Variants in PTPRD observed in about 807,000 individuals in gnomAD.
PTPRD encodes the protein receptor-type tyrosine-protein phosphatase delta.
A neutral mutation model predicts 214.5 loss-of-function variants in PTPRD; 34 were observed. The observed-to-expected ratio is 0.16, with a 90% CI of 0.12 to 0.21. The LOEUF is 0.21. PTPRD is among the 10% of genes least tolerant of loss of function. The pLI is 1.00. For synonymous variants in PTPRD, 1,128 were observed against 845.7 expected, an observed-to-expected ratio of 1.33 and a Z score of -5.79; for missense variants, 2,545 against 2,398.7, an observed-to-expected ratio of 1.06 and a Z score of -1.27.
chr9:8,961,732 G>A (rs1275300997), intron 11 of PTPRD, among the ~76,000 whole-genome samples: 3 of 152,038 alleles, frequency 2.0e-5, no homozygotes, highest in Non-Finnish European at 4.4e-5. Flanking sequence ...AAGCCCAACT[G>A]TTACTATAAT....
At chr9:9,370,282 T>G (rs1257542643) in intron 9 of PTPRD, among the ~76,000 whole-genome samples, 1 of 152,084 alleles carries the variant, frequency 6.6e-6, no homozygotes, top group Non-Finnish European at 1.5e-5. Flanking sequence ...CCTCTTTTAT[T>G]TCCCTGAGCA....
At chr9:8,326,198 C>T (rs535064148) in intron 44 of PTPRD, among the ~76,000 whole-genome samples, 19 of 152,178 alleles carry the variant, frequency 1.2e-4, no homozygotes, top group Non-Finnish European at 2.5e-4. Context: ...AGGATAGTGG[C>T]TGTGCGTTTG....
intron 5 of PTPRD, among the ~76,000 whole-genome samples, chr9:9,921,187 C>G (rs2082434464): frequency 6.6e-6 from 1 of 152,062 alleles, no homozygotes. Flanking sequence ...CCCTTGATGT[C>G]TGTTCATTAT....
intron 11 of PTPRD, among the ~76,000 whole-genome samples, chr9:8,996,722 T>C (rs1487757020): frequency 6.6e-6 from 1 of 152,040 alleles, no homozygotes; most frequent in Admixed American, 6.6e-5. Flanking sequence ...CAAGCCTCTT[T>C]TATAAGGACA....
intron 5 of PTPRD, among the ~76,000 whole-genome samples, chr9:9,826,866 G>A (rs982645953): frequency 2.6e-5 from 4 of 151,856 alleles, no homozygotes; most frequent in Middle Eastern, 3.2e-3. Context: ...ACCAATAACA[G>A]ACAAACAGCC....
chr9:9,356,480 A>G (rs2053834580), intron 9 of PTPRD, among the ~76,000 whole-genome samples: 1 of 151,468 alleles, frequency 6.6e-6, no homozygotes, highest in Admixed American at 6.6e-5. Flanking sequence ...TCATCAGAGC[A>G]TATTCATTAT....
At chr9:9,964,446 A>T (rs986235493) in intron 4 of PTPRD, among the ~76,000 whole-genome samples, 1 of 152,196 alleles carries the variant, frequency 6.6e-6, no homozygotes, top group Non-Finnish European at 1.5e-5. Flanking sequence ...ACTTTTAAGG[A>T]TGCAGAGTAA....
At chr9:9,124,336 T>C (rs1178465299) in intron 10 of PTPRD, among the ~76,000 whole-genome samples, 1 of 152,176 alleles carries the variant, frequency 6.6e-6, no homozygotes, top group East Asian at 1.9e-4. Flanking sequence ...ATCTATCTAA[T>C]CATTTCCTTG....
intron 39 of PTPRD, among the ~76,000 whole-genome samples, chr9:8,375,578 C>T (rs2082996386): frequency 1.3e-5 from 2 of 151,800 alleles, no homozygotes; most frequent in African/African-American, 4.8e-5. Context: ...TGTATCAGTC[C>T]AGCCCACAAG....
intron 5 of PTPRD, among the ~76,000 whole-genome samples, chr9:9,815,841 T>C (rs568046171): frequency 6.6e-6 from 1 of 152,270 alleles, no homozygotes; most frequent in South Asian, 2.1e-4. Context: ...ATGGTGACTG[T>C]AGTTAGTAAC....
intron 37 of PTPRD, among the ~76,000 whole-genome samples, chr9:8,381,583 G>GGC (rs2085097686): frequency 6.6e-6 from 1 of 152,076 alleles, no homozygotes; most frequent in Non-Finnish European, 1.5e-5. Context: ...GGACAAAGAG[G>GGC]CACTACAATA....
chr9:9,600,505 G>C (rs557944672), intron 7 of PTPRD, among the ~76,000 whole-genome samples: 2 of 152,174 alleles, frequency 1.3e-5, no homozygotes, highest in East Asian at 3.9e-4. Context: ...TGTGAAGACA[G>C]CCATTTATTT....
chr9:8,462,862 C>T (rs2134293027), intron 32 of PTPRD, among the ~76,000 whole-genome samples: 1 of 151,870 alleles, frequency 6.6e-6, no homozygotes, highest in Admixed American at 6.6e-5. Context: ...ACTTCATTTT[C>T]TTTGGCGAAA....
intron 12 of PTPRD, among the ~76,000 whole-genome samples, chr9:8,675,814 C>T (rs2097399506): frequency 6.6e-6 from 1 of 152,152 alleles, no homozygotes; most frequent in Admixed American, 6.5e-5. Context: ...TAGAAGCATT[C>T]CAACTTATCT....
intron 30 of PTPRD, among the ~76,000 whole-genome samples, chr9:8,474,416 A>G (rs553975512): frequency 7.2e-4 from 110 of 152,006 alleles, no homozygotes; most frequent in African/African-American, 2.4e-3. Flanking sequence ...AGATTCTTCA[A>G]TTCTCCCTTT....
At chr9:8,445,692 GA>G (rs1410438948) in intron 34 of PTPRD, among the ~76,000 whole-genome samples, 1 of 151,890 alleles carries the variant, frequency 6.6e-6, no homozygotes, top group Non-Finnish European at 1.5e-5. Flanking sequence ...TTTAGGGGGA[GA>G]AAAAAAATTT....
intron 4 of PTPRD, among the ~76,000 whole-genome samples, chr9:9,959,734 T>C (rs1045863530): frequency 6.6e-6 from 1 of 152,166 alleles, no homozygotes. Flanking sequence ...ACAATTCTGA[T>C]ACTGCTACAT....
chr9:10,405,404 T>C (rs571137297), intron 2 of PTPRD, among the ~76,000 whole-genome samples: 245 of 151,776 alleles, frequency 1.6e-3, no homozygotes, highest in Non-Finnish European at 2.9e-3. Context: ...AACTTTCTGG[T>C]CCTGGAGGGG....
intron 5 of PTPRD, among the ~76,000 whole-genome samples, chr9:9,785,158 T>A (rs1277467160): frequency 2.6e-5 from 4 of 151,936 alleles, no homozygotes; most frequent in African/African-American, 9.7e-5. Flanking sequence ...CTATTTTAAG[T>A]AACAAAAATC....
Sources: allele counts gnomAD v4.1 joint callset (sites outside exome capture counted in the v4.1 genomes callset), GRCh38; gene constraint gnomAD v4.1.1; transcripts MANE v1.5; gene names NCBI Gene and HGNC (gene_info 2026-07-23, HGNC 2026-07-21).